The following PXK variants were observed in gnomAD, a reference collection of about 807,000 sequenced individuals.
PXK encodes PX domain containing serine/threonine kinase like.
PXK carries 35 observed loss-of-function variants against 84.7 expected under a neutral mutation model. The observed-to-expected ratio is 0.41, with a 90% CI of 0.32 to 0.55. PXK has a LOEUF of 0.55. PXK is among the 20% of genes least tolerant of loss of function. The pLI is 0.21. For missense variants in PXK, 634 were observed against 699.7 expected (o/e 0.91, Z 1.06); for synonymous variants, 253 against 260.8 (o/e 0.97, Z 0.29).
At chr3:58,363,633 T>G (rs2098225159) in intron 1 of PXK, among the ~76,000 whole-genome samples, 1 of 152,236 alleles carries the variant, frequency 6.6e-6, no homozygotes, top group Non-Finnish European at 1.5e-5. Flanking sequence ...AAGAATTTAT[T>G]AATTCCAGTT....
chr3:58,379,876 G>T lies in PXK; in HGVS notation c.202-2638G>T, dbSNP rs2098481655. Among the ~76,000 whole-genome samples, 1 of 152,122 alleles carries T rather than the reference G, an allele frequency of 6.6e-6. No individual in the cohort carries two copies. Among genetic ancestry groups the T allele is most frequent in the Admixed American group, 6.6e-5 (1 of 15,260 alleles). On this transcript the variant is annotated intron_variant, in intron 3 of 17. Transcript: ENST00000356151. This position sits in a 1 kb window ranked among gnomAD's most constrained non-coding sequence, Gnocchi z 5.1. ...GTGTGTACCACTTGTAGAGGCTGAGGTGACAGGATTGCTTGAGCTTAGGAG... is the reference window on the plus strand; with the variant it reads ...GTGTGTACCACTTGTAGAGGCTGAGTTGACAGGATTGCTTGAGCTTAGGAG...
At position 58,354,300 on chromosome 3, in the gene PXK, A is replaced by G. The variant is rs557040334; in HGVS notation, c.103-11574A>G. ...AGGTTAGATACCAACCGTACCCCCA[A>G]AAAGACAGACGAGCTGAGTCCTTAA... On this transcript the variant is annotated intron_variant, in intron 1 of 17. Coordinates refer to ENST00000356151, the MANE Select transcript of PXK (RefSeq NM_017771.5). Among the ~76,000 whole-genome samples the G allele has an allele frequency of 5.9e-5, 9 of 152,266 alleles. No individual in the cohort carries two copies. The East Asian group carries it at 1.7e-3, about 29-fold the overall frequency.
At chr3:58,362,012 T>C (rs2098195666) in intron 1 of PXK, among the ~76,000 whole-genome samples, 1 of 152,198 alleles carries the variant, frequency 6.6e-6, no homozygotes, top group Admixed American at 6.5e-5. Flanking sequence ...TTTGGTGTTA[T>C]TACTGTTTTT....
At position 58,414,213 on chromosome 3, in the gene PXK, A is replaced by G. The variant is rs1279344108; in HGVS notation, c.1528+1250A>G. On this transcript the variant is annotated intron_variant, in intron 17 of 17. Coordinates refer to ENST00000356151, the MANE Select transcript of PXK (RefSeq NM_017771.5). This position sits in a 1 kb window ranked among gnomAD's most constrained non-coding sequence, Gnocchi z 4.5. ...ACTATATTAAGCCATTTTCTAGAAGATAGGATATTAATTTAACACCACTTG... is the reference window on the plus strand; with the variant it reads ...ACTATATTAAGCCATTTTCTAGAAGGTAGGATATTAATTTAACACCACTTG... The G allele has an allele frequency of 2.0e-5, 3 of 152,166 alleles. No individual in the cohort carries two copies. Among genetic ancestry groups the G allele is most frequent in the African/African-American group, 7.2e-5 (3 of 41,428 alleles). The allele number at this position is 152,166 out of a possible 1,614,324, so 9.4% of individuals were successfully genotyped here.
intron 2 of PXK, among the ~76,000 whole-genome samples, 171 bp from the exon 3 acceptor site, chr3:58,369,260 T>C (rs922976702): frequency 9.2e-5 from 14 of 152,196 alleles, no homozygotes; most frequent in Admixed American, 8.5e-4. Context: ...TAAGTCTGTT[T>C]TCTAGGCTTG....
intron 1 of PXK, among the ~76,000 whole-genome samples, chr3:58,351,487 C>G (rs1210405725): frequency 6.6e-6 from 1 of 151,292 alleles, no homozygotes; most frequent in Non-Finnish European, 1.5e-5. Flanking sequence ...TCTTGAACTC[C>G]TGGGCTCATG....
chr3:58,380,753 C>T (rs570121212), intron 3 of PXK, among the ~76,000 whole-genome samples: 1 of 152,124 alleles, frequency 6.6e-6, no homozygotes, highest in South Asian at 2.1e-4. Flanking sequence ...GAGTTTGCTG[C>T]ACTCCAGCCT....
rs1219945351 is a variant in PXK, at chr3:58,424,764, T to TACCTCCACCTCCTCC, written c.1551_1565dup (p.Pro520_Pro524dup). ...TTTTCCTCCACAGGGATATCTGCAT[T>TACCTCCACCTCCTCC]ACCTCCACCTCCTCCACCTCCACCA... is the stretch of plus-strand genomic sequence containing the variant. On this transcript the variant is annotated inframe_insertion, in exon 18 of 18. Transcript: ENST00000356151. 1.2e-6 allele frequency: 2 copies of TACCTCCACCTCCTCC among 1,613,640 alleles called. No individual in the cohort carries two copies. Among genetic ancestry groups the TACCTCCACCTCCTCC allele is most frequent in the Non-Finnish European group, 1.7e-6 (2 of 1,179,906 alleles).
Position 58,333,698 on chromosome 3 carries a change from G to A in PXK, c.102+608G>A. ...GGCGCTGTTAAGCAGGTGTATGAAT[G>A]TGCTTCTCTAACTTGCTCTTTAGTG... is the stretch of plus-strand genomic sequence containing the variant. On this transcript the variant is annotated intron_variant, in intron 1 of 17. Transcript: ENST00000356151. The surrounding 1 kb of genome is among the most constrained non-coding windows in gnomAD (Gnocchi z 5.4). The A allele has an allele frequency of 2.2e-6, 1 of 454,446 alleles. No individual in the cohort carries two copies. Among genetic ancestry groups the A allele is most frequent in the South Asian group, 1.6e-5 (1 of 64,366 alleles). The allele number at this position is 454,446 out of a possible 1,614,324, so 28.2% of individuals were successfully genotyped here.
chr3:58,388,708 G>A (rs1311585743), intron 4 of PXK, among the ~76,000 whole-genome samples: 1 of 152,130 alleles, frequency 6.6e-6, no homozygotes, highest in African/African-American at 2.4e-5. Flanking sequence ...AGATGCCAAT[G>A]ACACTTTACA....
chr3:58,372,770 G>A (rs2108570216), intron 3 of PXK, among the ~76,000 whole-genome samples: 1 of 151,962 alleles, frequency 6.6e-6, no homozygotes, highest in African/African-American at 2.4e-5. Context: ...GAGATTACAG[G>A]CACGTGCCAC....
Position 58,333,179 on chromosome 3 carries a change from C to T in PXK, c.102+89C>T. ...CTGCCTGGCGCGGGCCGGGCAGGGT[C>T]GTCGGACGGAGACCGGGCCACAGGG... On this transcript the variant is annotated intron_variant, in intron 1 of 17. Coordinates refer to ENST00000356151, the MANE Select transcript of PXK (RefSeq NM_017771.5). The surrounding 1 kb of genome is among the most constrained non-coding windows in gnomAD (Gnocchi z 5.4). 1.3e-6 allele frequency: 1 copy of T among 783,118 alleles called. No homozygotes were observed. The highest frequency in any genetic ancestry group is 1.6e-6 in the Non-Finnish European group (1 of 639,922). 48.5% of individuals were successfully genotyped at this position (783,118 alleles called of 1,614,324 possible).
chr3:58,350,931 A>T (rs930214805), intron 1 of PXK, among the ~76,000 whole-genome samples: 1 of 152,158 alleles, frequency 6.6e-6, no homozygotes, highest in Non-Finnish European at 1.5e-5. Flanking sequence ...ACCATTATTA[A>T]AACCAGTAGG....
intron 1 of PXK, among the ~76,000 whole-genome samples, chr3:58,353,169 TG>T (rs1202344447): frequency 6.6e-6 from 1 of 152,106 alleles, no homozygotes; most frequent in African/African-American, 2.4e-5. Flanking sequence ...GCTAATTTTT[TG>T]TATTTTTTAG....
At chr3:58,342,895 T>G (rs928286406) in intron 1 of PXK, among the ~76,000 whole-genome samples, 3 of 152,156 alleles carry the variant, frequency 2.0e-5, no homozygotes, top group Middle Eastern at 3.2e-3. Flanking sequence ...GACAGTGGCA[T>G]GGGGAAGGGC....
At chr3:58,344,489 AG>A (rs2097783964) in intron 1 of PXK, among the ~76,000 whole-genome samples, 1 of 152,140 alleles carries the variant, frequency 6.6e-6, no homozygotes, top group East Asian at 1.9e-4. Context: ...CCTCCTTACC[AG>A]GCTGCAGAGC....
At chr3:58,424,233 CTG>C (rs1246144702) in intron 17 of PXK, among the ~76,000 whole-genome samples, 1 of 152,230 alleles carries the variant, frequency 6.6e-6, no homozygotes, top group Non-Finnish European at 1.5e-5. Context: ...CCTGAGTGGT[CTG>C]TCATTTTACA....
rs1215952036 is a variant in PXK at position 58,395,005 on chromosome 3, A to G, written c.623A>G (p.Tyr208Cys). The change falls in exon 8 of 18, where the codon TAC (tyrosine) becomes TGC (cysteine). Residue 208 changes from tyrosine (Y) to cysteine (C), a missense_variant. By Grantham distance (194) the Tyr-to-Cys change is radical. Coordinates refer to ENST00000356151, the MANE Select transcript of PXK (RefSeq NM_017771.5). ...IKLLPSCLHP[Y>C]IYRVTFATAN... The stretch of plus-strand genomic sequence containing the variant: ...TCTTTTTTGTTTTGACAGCACCCTT[A>G]CATCTATCGGGTTACCTTTGCCACA... 5 of 1,611,174 alleles carry G rather than the reference A, an allele frequency of 3.1e-6. No individual in the cohort carries two copies. Among genetic ancestry groups the G allele is most frequent in the South Asian group, 2.2e-5 (2 of 90,942 alleles).
At chr3:58,402,206 C>T (rs983875666) in intron 12 of PXK, among the ~76,000 whole-genome samples, 4 of 151,818 alleles carry the variant, frequency 2.6e-5, no homozygotes, top group Admixed American at 6.6e-5. Flanking sequence ...CTCTTTCCCT[C>T]TCCTCCTCCT....
Sources: allele counts gnomAD v4.1 joint callset (sites outside exome capture counted in the v4.1 genomes callset), GRCh38; gene constraint gnomAD v4.1.1; non-coding constraint Gnocchi (gnomAD v3.1); transcripts MANE v1.5; gene names NCBI Gene and HGNC (gene_info 2026-07-23, HGNC 2026-07-21).